PLGRKT: variants seen among roughly 807,000 people sequenced by gnomAD.
The protein encoded by PLGRKT is plasminogen receptor (KT).
PLGRKT carries 22 observed loss-of-function variants against 18.5 expected under a neutral mutation model. The observed-to-expected ratio is 1.19, with a 90% CI of 0.85 to 1.70. The LOEUF is 1.70. PLGRKT is among the 40% of genes most tolerant of loss of function. PLGRKT has a pLI of 0.00. For missense variants in PLGRKT, 235 were observed against 174.4 expected (o/e 1.35, Z -1.96); for synonymous variants, 72 against 52.8 (o/e 1.36, Z -1.58).
At chr9:5,430,287 G>A (rs990260345) in intron 3 of PLGRKT, among the ~76,000 whole-genome samples, 2 of 152,200 alleles carry the variant, frequency 1.3e-5, no homozygotes, top group Non-Finnish European at 2.9e-5. Flanking sequence ...CAACATAAGA[G>A]TAAAAACCCT....
chr9:5,359,389 G>A (rs1382096695), intron 5 of PLGRKT, among the ~76,000 whole-genome samples: 1 of 152,076 alleles, frequency 6.6e-6, no homozygotes, highest in Non-Finnish European at 1.5e-5. Context: ...AAACCCAACA[G>A]AACAGACCAT....
chr9:5,374,953 G>C (rs887322251), intron 3 of PLGRKT, among the ~76,000 whole-genome samples: 1 of 152,040 alleles, frequency 6.6e-6, no homozygotes, highest in South Asian at 2.1e-4. Flanking sequence ...AGAAAGGTCA[G>C]CTTGACCCAG....
At chr9:5,392,863 A>G (rs937084325) in intron 3 of PLGRKT, among the ~76,000 whole-genome samples, 3 of 151,374 alleles carry the variant, frequency 2.0e-5, no homozygotes, top group Non-Finnish European at 4.4e-5. Context: ...TATTTTTGAG[A>G]CAGAGTCTCA....
At chr9:5,382,140 T>A in intron 3 of PLGRKT, 1 of 406,050 alleles carries the variant, frequency 2.5e-6, no homozygotes, top group Non-Finnish European at 3.3e-6. Flanking sequence ...ATGATGACTC[T>A]CTATTCATTC....
At chr9:5,405,816 C>T (rs922176853) in intron 3 of PLGRKT, among the ~76,000 whole-genome samples, 1 of 152,108 alleles carries the variant, frequency 6.6e-6, no homozygotes, top group Non-Finnish European at 1.5e-5. Context: ...TCAGAGGAAA[C>T]AGACAACCTA....
intron 3 of PLGRKT, among the ~76,000 whole-genome samples, chr9:5,424,703 G>A (rs1033685636): frequency 8.1e-6 from 1 of 123,586 alleles, no homozygotes; most frequent in Non-Finnish European, 1.6e-5. Flanking sequence ...CACACAGGGG[G>A]GGGAGAGAGG....
rs892585829 is a variant in PLGRKT at position 5,367,843 on chromosome 9, A to T, written c.82-5955T>A. ...AAAATATTTGCAAATTATATATCTGACAAAGGTCTAGTATCCAGAATCTAT... is the reference window on the plus strand; with the variant it reads ...AAAATATTTGCAAATTATATATCTGTCAAAGGTCTAGTATCCAGAATCTAT... On this transcript the variant is annotated intron_variant, in intron 3 of 5. Transcript: ENST00000223864. 2.6e-5 allele frequency among the ~76,000 whole-genome samples: 4 copies of T among 152,338 alleles called. No individual in the cohort carries two copies. In the East Asian group the frequency reaches 7.7e-4, roughly 29 times the overall value.
chr9:5,422,852 T>C (rs1017086390), intron 3 of PLGRKT, among the ~76,000 whole-genome samples: 1 of 152,162 alleles, frequency 6.6e-6, no homozygotes, highest in Non-Finnish European at 1.5e-5. Context: ...TTTTTAAAGT[T>C]TTCCTCTCCT....
intron 3 of PLGRKT, among the ~76,000 whole-genome samples, chr9:5,381,057 G>T (rs1171159818): frequency 6.6e-6 from 1 of 152,194 alleles, no homozygotes; most frequent in Non-Finnish European, 1.5e-5. Flanking sequence ...TGCCATGATT[G>T]TAAGTTTCCT....
chr9:5,378,760 A>C (rs540408414), intron 3 of PLGRKT, among the ~76,000 whole-genome samples: 12 of 152,234 alleles, frequency 7.9e-5, no homozygotes, highest in Non-Finnish European at 1.5e-4. Context: ...TACAAAAAAA[A>C]ATTACAAATT....
chr9:5,359,836 G>A (rs1248320049), intron 5 of PLGRKT, among the ~76,000 whole-genome samples: 1 of 152,056 alleles, frequency 6.6e-6, no homozygotes, highest in Non-Finnish European at 1.5e-5. Flanking sequence ...TTACCAACCA[G>A]TTCTCTGAAA....
At chr9:5,366,421 C>T (rs978801307) in intron 3 of PLGRKT, among the ~76,000 whole-genome samples, 3 of 152,078 alleles carry the variant, frequency 2.0e-5, no homozygotes, top group African/African-American at 4.8e-5. Flanking sequence ...TATCTCTGGA[C>T]CTTTTGATAC....
At chr9:5,403,859 T>C (rs532729469) in intron 3 of PLGRKT, among the ~76,000 whole-genome samples, 1 of 152,310 alleles carries the variant, frequency 6.6e-6, no homozygotes, top group Admixed American at 6.5e-5. Context: ...CCTCTGCCTG[T>C]TCATAGGTTC....
At chr9:5,421,132 C>T (rs956122063) in intron 3 of PLGRKT, among the ~76,000 whole-genome samples, 4 of 152,156 alleles carry the variant, frequency 2.6e-5, no homozygotes, top group African/African-American at 9.7e-5. Context: ...GACCTCTGAC[C>T]TCATCTCTAT....
chr9:5,373,266 G>T (rs1468934295), intron 3 of PLGRKT, among the ~76,000 whole-genome samples: 2 of 152,106 alleles, frequency 1.3e-5, no homozygotes, highest in African/African-American at 4.8e-5. Flanking sequence ...TGTAATTTTA[G>T]CGACTACCAC....
rs571611563 is a variant in PLGRKT at position 5,422,879 on chromosome 9, A to C, written c.81+9018T>G. ...TCCTCTCCTCTACATGCACTTTAGC[A>C]AGTTAGATTTGCTGGTGGGTCTTAG... On this transcript the variant is annotated intron_variant, in intron 3 of 5. Coordinates refer to ENST00000223864, the MANE Select transcript of PLGRKT (RefSeq NM_018465.4). Among the ~76,000 whole-genome samples, 4 of 152,278 alleles carry C rather than the reference A, an allele frequency of 2.6e-5. No individual in the cohort carries two copies. The South Asian group carries it at 8.3e-4, about 32-fold the overall frequency.
chr9:5,384,737 T>C (rs1209534136), intron 3 of PLGRKT, among the ~76,000 whole-genome samples: 2 of 151,804 alleles, frequency 1.3e-5, no homozygotes, highest in Non-Finnish European at 2.9e-5. Context: ...CAGAGCTACC[T>C]CTTAACTAAC....
rs147964601 is a variant in PLGRKT at position 5,412,641 on chromosome 9, T to C, written c.81+19256A>G. On this transcript the variant is annotated intron_variant, in intron 3 of 5. Transcript: ENST00000223864. ...CTTTATAAATCACCCAGTCTGTATA[T>C]TGGATTATAGCAACAGAAAATGAAC... 8.5e-5 allele frequency among the ~76,000 whole-genome samples: 13 copies of C among 152,246 alleles called. No individual in the cohort carries two copies. In the East Asian group the frequency reaches 1.3e-3, roughly 16 times the overall value.
At chr9:5,430,561 T>C (rs1338235997) in intron 3 of PLGRKT, among the ~76,000 whole-genome samples, 1 of 152,246 alleles carries the variant, frequency 6.6e-6, no homozygotes, top group African/African-American at 2.4e-5. Flanking sequence ...CATTGTTCTA[T>C]ATATTTCATC....
Sources: gnomAD v4.1 joint callset for allele counts (sites outside exome capture counted in the v4.1 genomes callset) on GRCh38, gnomAD v4.1.1 for gene constraint, MANE v1.5 for transcripts, NCBI Gene and HGNC (gene_info 2026-07-23, HGNC 2026-07-21) for gene names.